Variants in DCC observed in about 807,000 individuals in gnomAD.
DCC encodes netrin receptor DCC.
DCC carries 58 observed loss-of-function variants against 172.5 expected under a neutral mutation model. The observed-to-expected ratio is 0.34, with a 90% CI of 0.27 to 0.42. The LOEUF (loss-of-function observed/expected upper bound fraction) is 0.42, where lower values mean the gene tolerates loss of function less well. DCC is among the 10% of genes least tolerant of loss of function. DCC has a pLI of 1.00. For synonymous variants in DCC, 709 were observed against 644.5 expected, an observed-to-expected ratio of 1.10 and a Z score of -1.52; for missense variants, 1,740 against 1,791.0, an observed-to-expected ratio of 0.97 and a Z score of 0.51.
chr18:53,446,298 A>G (rs1361504066), intron 22 of DCC, among the ~76,000 whole-genome samples: 1 of 151,998 alleles, frequency 6.6e-6, no homozygotes, highest in African/African-American at 2.4e-5. Context: ...AAAAAGGAAA[A>G]AAACACATTG....
chr18:53,190,830 C>T (rs540623817), intron 9 of DCC, among the ~76,000 whole-genome samples: 1 of 152,074 alleles, frequency 6.6e-6, no homozygotes, highest in Non-Finnish European at 1.5e-5. Flanking sequence ...CCTGTAGTCC[C>T]GGCTACTGGG....
At chr18:52,435,617 G>A (rs935005620) in intron 1 of DCC, among the ~76,000 whole-genome samples, 35 of 152,160 alleles carry the variant, frequency 2.3e-4, no homozygotes, top group Admixed American at 1.8e-3. Flanking sequence ...CGGTGATAGT[G>A]ACAGCAATCC....
intron 9 of DCC, among the ~76,000 whole-genome samples, chr18:53,181,946 C>T (rs1321607811): frequency 1.3e-5 from 2 of 152,192 alleles, no homozygotes; most frequent in Non-Finnish European, 1.5e-5. Flanking sequence ...CTGCATCCAC[C>T]TCCTCAAATC....
At chr18:52,666,106 G>A (rs1056841428) in intron 1 of DCC, among the ~76,000 whole-genome samples, 2 of 152,076 alleles carry the variant, frequency 1.3e-5, no homozygotes, top group African/African-American at 2.4e-5. Flanking sequence ...GGCCAACACG[G>A]TGAAACCCTG....
intron 1 of DCC, among the ~76,000 whole-genome samples, chr18:52,664,263 T>A (rs895363122): frequency 2.6e-5 from 4 of 152,126 alleles, no homozygotes; most frequent in Non-Finnish European, 5.9e-5. Flanking sequence ...TCTGGATTCC[T>A]TCCAGAGGTG....
At chr18:52,528,741 GGT>G (rs750414126) in intron 1 of DCC, among the ~76,000 whole-genome samples, 12 of 151,982 alleles carry the variant, frequency 7.9e-5, no homozygotes, top group Non-Finnish European at 1.6e-4. Flanking sequence ...CCTGTCTTGT[GGT>G]TTCTGCTTTC....
chr18:52,990,871 C>A (rs1430006609), intron 5 of DCC, among the ~76,000 whole-genome samples: 1 of 152,066 alleles, frequency 6.6e-6, no homozygotes, highest in Non-Finnish European at 1.5e-5. Flanking sequence ...GTAGGTTTAA[C>A]GAACATCTTT....
intron 7 of DCC, among the ~76,000 whole-genome samples, chr18:53,128,861 A>ACC: frequency 1.3e-5 from 1 of 76,882 alleles, no homozygotes; most frequent in Non-Finnish European, 2.5e-5. Context: ...ACACACACAC[A>ACC]CACACACACA....
At chr18:52,519,340 G>A (rs1360231018) in intron 1 of DCC, among the ~76,000 whole-genome samples, 1 of 152,210 alleles carries the variant, frequency 6.6e-6, no homozygotes, top group African/African-American at 2.4e-5. Context: ...AAGATCTGCA[G>A]TGCAGTGGGG....
chr18:52,600,414 T>C (rs8095889), intron 1 of DCC, among the ~76,000 whole-genome samples: 20,343 of 152,250 alleles, frequency 0.13, 1,509 homozygotes, highest in Non-Finnish European at 0.15. Flanking sequence ...GTAGCTTTAT[T>C]ATAAATCTTG....
intron 1 of DCC, among the ~76,000 whole-genome samples, chr18:52,584,340 T>A (rs1297695971): frequency 6.6e-6 from 1 of 152,124 alleles, no homozygotes; most frequent in Non-Finnish European, 1.5e-5. Context: ...AATGTTTAGA[T>A]ACAGTAAGAA....
chr18:52,712,956 A>G (rs935701339), intron 1 of DCC, among the ~76,000 whole-genome samples: 1 of 152,082 alleles, frequency 6.6e-6, no homozygotes, highest in Non-Finnish European at 1.5e-5. Flanking sequence ...TCAGCCTCTC[A>G]TTATTTACAG....
intron 5 of DCC, among the ~76,000 whole-genome samples, chr18:52,978,290 G>T (rs1568224201): frequency 6.6e-6 from 1 of 151,978 alleles, no homozygotes; most frequent in Non-Finnish European, 1.5e-5. Context: ...GAGAGGCAAT[G>T]CTAGAGCCTT....
Position 53,206,476 on chromosome 18 carries a change from T to C in DCC, c.1722+1112T>C, listed in dbSNP as rs1299930205. ...ATATGTATGTGTTATATATAGTATATATAATATATAATGTATATGTATTAC... is the reference window on the plus strand; with the variant it reads ...ATATGTATGTGTTATATATAGTATACATAATATATAATGTATATGTATTAC... On this transcript the variant is annotated intron_variant, in intron 10 of 28. Transcript: ENST00000442544. Among the ~76,000 whole-genome samples the C allele has an allele frequency of 2.8e-5, 3 of 107,100 alleles. No homozygotes were observed. In the East Asian group the frequency reaches 6.4e-4, roughly 23 times the overall value. 70.3% of individuals were successfully genotyped at this position (107,100 alleles called of 152,430 possible). A position where few individuals can be genotyped will look rare whatever the true frequency, so the allele number is the denominator to read the frequency against.
chr18:52,819,172 T>C (rs889912767), intron 2 of DCC, among the ~76,000 whole-genome samples: 12 of 151,974 alleles, frequency 7.9e-5, no homozygotes, highest in African/African-American at 2.9e-4. Flanking sequence ...ATATGAGCTA[T>C]AGTATCAAAA....
In DCC at chr18:53,428,163, A is replaced by C. The variant is rs1229336053; in HGVS notation, c.3164-6981A>C. On this transcript the variant is annotated intron_variant, in intron 21 of 28. Transcript: ENST00000442544. ...AATAATATATAATATATAATATAATAATATATAATATGTAATATATAATAT... is the reference window on the plus strand; with the variant it reads ...AATAATATATAATATATAATATAATCATATATAATATGTAATATATAATAT... 4.9e-5 allele frequency among the ~76,000 whole-genome samples: 2 copies of C among 40,958 alleles called. 1 individual carries two copies. Among genetic ancestry groups the C allele is most frequent in the African/African-American group, 1.3e-4 (2 of 15,274 alleles). 26.9% of individuals were successfully genotyped at this position (40,958 alleles called of 152,430 possible). A position where few individuals can be genotyped will look rare whatever the true frequency, so the allele number is the denominator to read the frequency against.
intron 7 of DCC, among the ~76,000 whole-genome samples, chr18:53,143,019 G>A (rs1030139635): frequency 1.3e-5 from 2 of 152,098 alleles, no homozygotes; most frequent in Non-Finnish European, 2.9e-5. Flanking sequence ...ACCACAGAGG[G>A]GAAGTGTACT....
At chr18:52,873,483 A>G (rs1221926528) in intron 2 of DCC, among the ~76,000 whole-genome samples, 2 of 152,244 alleles carry the variant, frequency 1.3e-5, no homozygotes, top group African/African-American at 4.8e-5. Context: ...CTTGGATTAT[A>G]GCTTTAGCAT....
chr18:52,963,992 C>A (rs571619423), intron 5 of DCC, among the ~76,000 whole-genome samples: 28 of 152,212 alleles, frequency 1.8e-4, no homozygotes, highest in African/African-American at 6.5e-4. Flanking sequence ...AACCTCAAAA[C>A]ATGCATATTA....
Sources: allele counts gnomAD v4.1 joint callset (sites outside exome capture counted in the v4.1 genomes callset), GRCh38; gene constraint gnomAD v4.1.1; transcripts MANE v1.5; gene names NCBI Gene and HGNC (gene_info 2026-07-23, HGNC 2026-07-21).